SELP: variants seen among roughly 807,000 people sequenced by gnomAD.
SELP encodes P-selectin.
SELP carries 92 observed loss-of-function variants against 104.1 expected under a neutral mutation model. That is an observed-to-expected ratio of 0.88 (90% CI 0.75 to 1.05). SELP has a LOEUF of 1.05. Ranked by LOEUF, SELP falls within the 50% of genes least tolerant of loss-of-function variation. SELP has a pLI of 0.00. For missense variants in SELP, 1,022 were observed against 1,017.3 expected, an observed-to-expected ratio of 1.00 and a Z score of -0.06; for synonymous variants, 397 against 364.5, an observed-to-expected ratio of 1.09 and a Z score of -1.01.
intron 1 of SELP, among the ~76,000 whole-genome samples, chr1:169,627,893 AC>A (rs1338604419): frequency 1.3e-5 from 2 of 152,046 alleles, no homozygotes; most frequent in Non-Finnish European, 2.9e-5. Flanking sequence ...GCCCACTAAA[AC>A]TTTTTTTTTG....
chr1:169,619,349 C>T, intron 1 of SELP, 130 bp from the exon 2 acceptor site: 1 of 659,736 alleles, frequency 1.5e-6, no homozygotes, highest in Non-Finnish European at 2.6e-6. Flanking sequence ...GGTTCAAGCC[C>T]TCTGCTTCCT....
At chr1:169,620,358 G>T (rs1663035474) in intron 1 of SELP, among the ~76,000 whole-genome samples, 1 of 147,786 alleles carries the variant, frequency 6.8e-6, no homozygotes, top group South Asian at 2.1e-4. Context: ...TTTGAAACAA[G>T]AAAGAGCTCT....
At chr1:169,589,773 C>T (rs1282897068) in intron 16 of SELP, among the ~76,000 whole-genome samples, 1 of 152,166 alleles carries the variant, frequency 6.6e-6, no homozygotes, top group East Asian at 1.9e-4. Context: ...TTTTGTTTTT[C>T]CAGCAGGTAG....
At chr1:169,600,054 A>G (rs1349022507) in intron 10 of SELP, among the ~76,000 whole-genome samples, 1 of 151,984 alleles carries the variant, frequency 6.6e-6, no homozygotes, top group African/African-American at 2.4e-5. Context: ...GCACTCCATC[A>G]TGCAGGTGGC....
chr1:169,627,307 T>C (rs1249944840), intron 1 of SELP, among the ~76,000 whole-genome samples: 2 of 152,160 alleles, frequency 1.3e-5, no homozygotes, highest in Non-Finnish European at 2.9e-5. Flanking sequence ...AGAGGTTGTC[T>C]CTAAGCCAAA....
chr1:169,606,821 T>TGA (rs2101893402), intron 9 of SELP, 128 bp downstream of exon 9: 1 of 817,700 alleles, frequency 1.2e-6, no homozygotes, highest in Non-Finnish European at 1.9e-6. Context: ...AGAGGATGAG[T>TGA]GAGAGTATTT....
chr1:169,596,733 C>T (rs1462368099), intron 11 of SELP, among the ~76,000 whole-genome samples: 2 of 152,174 alleles, frequency 1.3e-5, no homozygotes, highest in African/African-American at 4.8e-5. Flanking sequence ...GAGACCATTC[C>T]GTTCACTCAA....
intron 7 of SELP, 27 bp downstream of exon 7, chr1:169,611,465 A>G: frequency 6.2e-7 from 1 of 1,610,254 alleles, no homozygotes. Context: ...CTTGGACAGA[A>G]TGGAGGTTGC....
At chr1:169,612,520 C>G in intron 5 of SELP, 118 bp from the exon 6 acceptor site, 1 of 882,114 alleles carries the variant, frequency 1.1e-6, no homozygotes, top group African/African-American at 1.7e-5. Context: ...GGTTGATGCA[C>G]TAGAATGGTT....
intron 1 of SELP, among the ~76,000 whole-genome samples, chr1:169,621,093 TTGTGTGTGTG>T (rs113157169): frequency 7.7e-5 from 7 of 90,438 alleles, no homozygotes; most frequent in Non-Finnish European, 1.5e-4. Context: ...TGGTGTGGAG[TTGTGTGTGTG>T]TGTGTGTGTG....
intron 10 of SELP, among the ~76,000 whole-genome samples, chr1:169,598,612 C>A (rs1661746306): frequency 6.6e-6 from 1 of 152,216 alleles, no homozygotes; most frequent in Non-Finnish European, 1.5e-5. Context: ...AACATGTCTA[C>A]TGGTGTAACT....
At chr1:169,619,907 T>A (rs922487718) in intron 1 of SELP, among the ~76,000 whole-genome samples, 11 of 152,260 alleles carry the variant, frequency 7.2e-5, no homozygotes, top group African/African-American at 2.4e-4. Flanking sequence ...TGAATATTTT[T>A]AAAATGTTTT....
At chr1:169,600,241 T>C (rs1424483447) in intron 10 of SELP, among the ~76,000 whole-genome samples, 1 of 149,940 alleles carries the variant, frequency 6.7e-6, no homozygotes, top group Non-Finnish European at 1.5e-5. Context: ...AAAAAATAAA[T>C]TATATAAAGT....
At chr1:169,595,407 A>G (rs1661555063) in intron 12 of SELP, among the ~76,000 whole-genome samples, 1 of 152,170 alleles carries the variant, frequency 6.6e-6, no homozygotes, top group African/African-American at 2.4e-5. Flanking sequence ...AATTCAAATA[A>G]ATGTTATTTA....
chr1:169,612,989 G>A lies in SELP; in HGVS notation c.715C>T (p.Pro239Ser). Residue 239 changes from proline (P) to serine (S), a missense_variant, in exon 5 of 17, where the codon CCC becomes TCC. Pro to Ser is a moderately conservative substitution (Grantham distance 74). Transcript: ENST00000263686. ...HCTDGYQVNG[P>S]SKLECLASGI... is the part of the protein sequence containing the mutation. Reference sequence around the variant, plus strand: ...GAAGCCAAGCATTCCAGCTTGCTGGGCCCATTTACTTGGTACCCGTCAGTG... The same window carrying A: ...GAAGCCAAGCATTCCAGCTTGCTGGACCCATTTACTTGGTACCCGTCAGTG... 6.2e-7 allele frequency: 1 copy of A among 1,613,756 alleles called. No homozygotes were observed. Among genetic ancestry groups the A allele is most frequent in the African/African-American group, 1.3e-5 (1 of 75,022 alleles).
chr1:169,594,940 T>C, intron 12 of SELP, 63 bp from the exon 13 acceptor site: 1 of 1,456,416 alleles, frequency 6.9e-7, no homozygotes, highest in African/African-American at 1.4e-5. Context: ...AGATTATAGT[T>C]TCTTTTGTAA....
intron 9 of SELP, among the ~76,000 whole-genome samples, chr1:169,606,409 T>C (rs1423734700): frequency 6.6e-6 from 1 of 152,256 alleles, no homozygotes; most frequent in Non-Finnish European, 1.5e-5. Flanking sequence ...ACCTCCAGTA[T>C]ACAGATTAGT....
chr1:169,606,502 G>T (rs1032487626), intron 9 of SELP, among the ~76,000 whole-genome samples: 3 of 152,052 alleles, frequency 2.0e-5, no homozygotes, highest in East Asian at 3.9e-4. Context: ...TTTGCAACTG[G>T]GTACTTGTAA....
Position 169,619,165 on chromosome 1 carries a change from T to C in SELP, c.58A>G (p.Ile20Val), listed in dbSNP as rs369367564. The C allele has an allele frequency of 5.7e-5, 92 of 1,613,920 alleles. No homozygotes were observed. The highest frequency in any genetic ancestry group is 7.6e-5 in the Non-Finnish European group (90 of 1,179,920). Residue 20 changes from isoleucine to valine, a missense_variant, in exon 2 of 17, where the codon ATT becomes GTT. Coordinates refer to ENST00000263686, the MANE Select transcript of SELP (RefSeq NM_003005.4). The stretch of plus-strand genomic sequence containing the variant: ...GCACTGAAGCAAAGGAGTTGGGAAA[T>C]TCCAAAGACCACTCTCTGGAATCTC... ...YQRFQRVVFGISQLLCFSALI... is the reference protein window; with the variant it reads ...YQRFQRVVFGVSQLLCFSALI...
Sources: gnomAD v4.1 joint callset for allele counts (sites outside exome capture counted in the v4.1 genomes callset) on GRCh38, gnomAD v4.1.1 for gene constraint, MANE v1.5 for transcripts, NCBI Gene and HGNC (gene_info 2026-07-23, HGNC 2026-07-21) for gene names.